The following EFCAB8 variants were observed in gnomAD, a reference collection of about 807,000 sequenced individuals.
The protein encoded by EFCAB8 is EF-hand calcium binding domain 8.
In EFCAB8, 100 loss-of-function variants were observed where a neutral mutation model predicts 116.3. That is an observed-to-expected ratio of 0.86 (90% CI 0.73 to 1.02). The LOEUF (loss-of-function observed/expected upper bound fraction) is 1.02, where lower values mean the gene tolerates loss of function less well. Among genes scored for constraint, EFCAB8 ranks in the 50% least tolerant of loss-of-function variants. The pLI is 0.00. For missense variants in EFCAB8, 1,320 were observed against 1,416.9 expected (o/e 0.93, Z 1.10); for synonymous variants, 558 against 567.9 (o/e 0.98, Z 0.25).
intron 6 of EFCAB8, among the ~76,000 whole-genome samples, chr20:32,886,195 C>T (rs937169040): frequency 7.2e-5 from 11 of 152,308 alleles, no homozygotes; most frequent in Admixed American, 2.6e-4. Flanking sequence ...TCAAATGGGG[C>T]TAGTTACAGT....
At chr20:32,934,347 C>G (rs1988023878) in intron 22 of EFCAB8, among the ~76,000 whole-genome samples, 1 of 152,122 alleles carries the variant, frequency 6.6e-6, no homozygotes, top group Admixed American at 6.5e-5. Context: ...ATTATCCATT[C>G]ATCCACTGAT....
chr20:32,956,549 T>A (rs1414150590), intron 23 of EFCAB8, among the ~76,000 whole-genome samples: 1 of 152,190 alleles, frequency 6.6e-6, no homozygotes, highest in Non-Finnish European at 1.5e-5. Context: ...TAAGACTATT[T>A]TACTGGGTAT....
In EFCAB8 at chr20:32,892,178, T is replaced by G. The variant is rs1365271004; in HGVS notation, c.674-35T>G. On this transcript the variant is annotated intron_variant, in intron 7 of 26. Coordinates refer to ENST00000400522, the MANE Select transcript of EFCAB8 (RefSeq NM_001143967.2). ...TGACTGAAGACCTCCCAGGCATGGC[T>G]GTGGGCTCTATGTGGCCTTCTGTCT... 9 of 1,533,516 alleles carry G rather than the reference T, an allele frequency of 5.9e-6. No homozygotes were observed. The Admixed American group carries it at 1.6e-4, about 27-fold the overall frequency. 95.0% of individuals were successfully genotyped at this position (1,533,516 alleles called of 1,614,324 possible). A position where few individuals can be genotyped will look rare whatever the true frequency, so the allele number is the denominator to read the frequency against.
intron 3 of EFCAB8, among the ~76,000 whole-genome samples, chr20:32,871,201 C>CT (rs1568899004): frequency 2.0e-5 from 3 of 151,308 alleles, no homozygotes; most frequent in Non-Finnish European, 4.4e-5. Flanking sequence ...AGTTTCCTCC[C>CT]TTTTTTTATA....
At chr20:32,875,520 T>TTTTTTTTTTG (rs1984924178) in intron 3 of EFCAB8, among the ~76,000 whole-genome samples, 1 of 144,334 alleles carries the variant, frequency 6.9e-6, no homozygotes, top group Non-Finnish European at 1.5e-5. Context: ...TTTTTTTTTT[T>TTTTTTTTTTG]GAGACAGAGT....
At chr20:32,954,508 C>T (rs1372746872) in intron 23 of EFCAB8, among the ~76,000 whole-genome samples, 1 of 152,138 alleles carries the variant, frequency 6.6e-6, no homozygotes, top group East Asian at 1.9e-4. Flanking sequence ...TATGCCTGTA[C>T]CACACTGTCT....
At chr20:32,909,130 C>T (rs560080628) in intron 14 of EFCAB8, among the ~76,000 whole-genome samples, 2 of 152,356 alleles carry the variant, frequency 1.3e-5, no homozygotes, top group South Asian at 2.1e-4. Flanking sequence ...TCCCACGCTC[C>T]GTGGGCTGGG....
At chr20:32,961,050 C>T (rs1989133139) in intron 26 of EFCAB8, 86 bp from the exon 27 acceptor site, 1 of 1,226,740 alleles carries the variant, frequency 8.2e-7, no homozygotes, top group Non-Finnish European at 1.2e-6. Flanking sequence ...CTCAGGGCGC[C>T]TCCTTCCTGT....
intron 11 of EFCAB8, among the ~76,000 whole-genome samples, chr20:32,904,785 C>T (rs1320642394): frequency 6.6e-6 from 1 of 151,926 alleles, no homozygotes; most frequent in Non-Finnish European, 1.5e-5. Context: ...TACCACTATG[C>T]CTGGCTAATT....
intron 11 of EFCAB8, among the ~76,000 whole-genome samples, chr20:32,901,477 G>A (rs1168281745): frequency 6.6e-6 from 1 of 152,196 alleles, no homozygotes; most frequent in Non-Finnish European, 1.5e-5. Context: ...TTCAGATCTT[G>A]TTTTATTGAG....
rs1413616860 is a variant in EFCAB8, at chr20:32,863,701, C to T, written c.-10-82C>T. The T allele has an allele frequency of 2.1e-6, 3 of 1,412,232 alleles. No homozygotes were observed. In the African/African-American group the frequency reaches 4.4e-5, roughly 21 times the overall value. 87.5% of individuals were successfully genotyped at this position (1,412,232 alleles called of 1,614,324 possible). On this transcript the variant is annotated intron_variant, in intron 1 of 26. Coordinates refer to ENST00000400522, the MANE Select transcript of EFCAB8 (RefSeq NM_001143967.2). ...CCCTTGACCTTGACTTCTTTTCCAC[C>T]TTTCTGTGACCTGGCTAAGTCAGCC... is the stretch of plus-strand genomic sequence containing the variant.
chr20:32,874,392 T>TA (rs869057031), intron 3 of EFCAB8, among the ~76,000 whole-genome samples: 1 of 152,030 alleles, frequency 6.6e-6, no homozygotes, highest in Admixed American at 6.6e-5. Context: ...CTGGCTAATT[T>TA]AAAAAATTTT....
chr20:32,891,620 G>C (rs1284535638), intron 7 of EFCAB8, among the ~76,000 whole-genome samples: 1 of 152,230 alleles, frequency 6.6e-6, no homozygotes, highest in Non-Finnish European at 1.5e-5. Flanking sequence ...AGAGGTGGAA[G>C]TGGCAACAGT....
intron 3 of EFCAB8, among the ~76,000 whole-genome samples, 198 bp downstream of exon 3, chr20:32,867,945 T>C (rs1317073194): frequency 2.0e-5 from 3 of 152,096 alleles, no homozygotes; most frequent in African/African-American, 7.2e-5. Flanking sequence ...CAAGCGATCC[T>C]CCTGTCTCAG....
In EFCAB8 at chr20:32,892,222, A is replaced by G. The variant is rs1390123438; in HGVS notation, c.683A>G (p.Asp228Gly). 1.3e-6 allele frequency: 2 copies of G among 1,551,560 alleles called. No individual in the cohort carries two copies. The highest frequency in any genetic ancestry group is 3.9e-5 in the Admixed American group (2 of 51,002). Residue 228 changes from aspartate to glycine, a missense_variant, in exon 8 of 27, where the codon GAT becomes GGT. Physicochemically the swap from Asp to Gly is moderately conservative, Grantham distance 94. Coordinates refer to ENST00000400522, the MANE Select transcript of EFCAB8 (RefSeq NM_001143967.2). ...TCTGTCTTTCCCCCAGATTTCTTTG[A>G]TATTAGTGACCACAAATGTGTCCGG... is the stretch of plus-strand genomic sequence containing the variant. ...ASTRQKIDFF[D>G]ISDHKCVRAF... is the part of the protein sequence containing the mutation.
intron 22 of EFCAB8, among the ~76,000 whole-genome samples, chr20:32,932,376 C>CAA (rs11483513): frequency 6.5e-4 from 98 of 149,752 alleles, no homozygotes; most frequent in African/African-American, 1.4e-3. Flanking sequence ...GACTCTGTCT[C>CAA]AAAAAAAAAA....
At chr20:32,932,282 C>T (rs1452772030) in intron 22 of EFCAB8, among the ~76,000 whole-genome samples, 1 of 152,044 alleles carries the variant, frequency 6.6e-6, no homozygotes, top group Non-Finnish European at 1.5e-5. Flanking sequence ...GAGGCTGAGG[C>T]ACAAGAATCA....
Position 32,906,328 on chromosome 20 carries a change from G to A in EFCAB8, c.1089-234G>A, listed in dbSNP as rs529144029. Among the ~76,000 whole-genome samples, 5 of 152,246 alleles carry A rather than the reference G, an allele frequency of 3.3e-5. No homozygotes were observed. The South Asian group carries it at 1.0e-3, about 32-fold the overall frequency. ...CATCTGGCCTGTGGGCTGTTGGTTT[G>A]GGGCCAGGACTGGGCTGCTGCTTTG... On this transcript the variant is annotated intron_variant, in intron 11 of 26. Coordinates refer to ENST00000400522, the MANE Select transcript of EFCAB8 (RefSeq NM_001143967.2).
At chr20:32,893,391 GC>G in intron 9 of EFCAB8, 93 bp downstream of exon 9, 2 of 1,502,962 alleles carry the variant, frequency 1.3e-6, no homozygotes, top group Non-Finnish European at 1.8e-6. Context: ...CCCACTCCCT[GC>G]CTCTGCTCTG....
Sources: gnomAD v4.1 joint callset for allele counts (sites outside exome capture counted in the v4.1 genomes callset) on GRCh38, gnomAD v4.1.1 for gene constraint, MANE v1.5 for transcripts, NCBI Gene and HGNC (gene_info 2026-07-23, HGNC 2026-07-21) for gene names.